The following MREG variants were observed in gnomAD, a reference collection of about 807,000 sequenced individuals.
MREG encodes dilute suppressor protein homolog.
MREG carries 31 observed loss-of-function variants against 28.5 expected under a neutral mutation model. The ratio of observed to expected loss-of-function variants is 1.09; its 90% CI spans 0.82 to 1.47. The LOEUF (loss-of-function observed/expected upper bound fraction) is 1.47. Ranked by LOEUF, MREG falls within the 40% of genes most tolerant of loss-of-function variation. The probability of loss-of-function intolerance (pLI) is 0.00; values close to 1 mark genes in which losing one functional copy is unlikely to be tolerated. For synonymous variants in MREG, 106 were observed against 95.2 expected (o/e 1.11, Z -0.66); for missense variants, 256 against 257.4 (o/e 0.99, Z 0.04).
At chr2:216,021,132 T>C (rs899169270) in intron 1 of MREG, among the ~76,000 whole-genome samples, 1 of 152,172 alleles carries the variant, frequency 6.6e-6, no homozygotes, top group Non-Finnish European at 1.5e-5. Flanking sequence ...AGAATCCATG[T>C]TTTTAGTATT....
intron 1 of MREG, among the ~76,000 whole-genome samples, chr2:216,008,164 ACGC>A (rs1360767060): frequency 2.6e-5 from 4 of 152,086 alleles, no homozygotes; most frequent in Non-Finnish European, 5.9e-5. Context: ...AGTTTGAGTC[ACGC>A]CGCTTGGGGC....
intron 2 of MREG, among the ~76,000 whole-genome samples, chr2:215,986,753 G>T (rs536923805): frequency 6.6e-6 from 1 of 152,132 alleles, no homozygotes; most frequent in Non-Finnish European, 1.5e-5. Context: ...ACATGACTTT[G>T]CTCCTCCTTT....
intron 1 of MREG, among the ~76,000 whole-genome samples, chr2:216,008,544 C>G (rs2106031055): frequency 6.6e-6 from 1 of 152,188 alleles, no homozygotes; most frequent in East Asian, 1.9e-4. Flanking sequence ...ATCTGGATGC[C>G]CACCTGCAGC....
At chr2:215,971,988 C>G (rs767398691) in intron 2 of MREG, among the ~76,000 whole-genome samples, 33 of 152,278 alleles carry the variant, frequency 2.2e-4, no homozygotes, top group Non-Finnish European at 4.0e-4. Context: ...TGGTGCAACT[C>G]CAAGATATGC....
chr2:215,960,343 G>C (rs912261033), intron 2 of MREG, among the ~76,000 whole-genome samples: 56 of 152,182 alleles, frequency 3.7e-4, no homozygotes, highest in African/African-American at 1.3e-3. Flanking sequence ...ATTCGCCCAG[G>C]TCCTAACCAG....
intron 2 of MREG, among the ~76,000 whole-genome samples, chr2:215,963,053 G>T (rs1000406754): frequency 6.6e-6 from 1 of 152,166 alleles, no homozygotes; most frequent in Non-Finnish European, 1.5e-5. Flanking sequence ...GCTTGAGGCT[G>T]GGAGGTCAAG....
At chr2:216,010,903 T>TCTCC (rs1694287487) in intron 1 of MREG, among the ~76,000 whole-genome samples, 1 of 151,268 alleles carries the variant, frequency 6.6e-6, no homozygotes, top group Non-Finnish European at 1.5e-5. Flanking sequence ...GAGACCATCC[T>TCTCC]GGATAACACG....
chr2:215,949,311 G>A (rs1333888230), intron 2 of MREG, among the ~76,000 whole-genome samples: 2 of 151,004 alleles, frequency 1.3e-5, no homozygotes, highest in Non-Finnish European at 2.9e-5. Flanking sequence ...TATAATCCCA[G>A]CACTTTGGGA....
chr2:216,025,316 G>A (rs183118852), intron 1 of MREG, among the ~76,000 whole-genome samples: 1 of 152,334 alleles, frequency 6.6e-6, no homozygotes, highest in Admixed American at 6.5e-5. Flanking sequence ...CCCACAGACA[G>A]CCCAGTAGCT....
intron 2 of MREG, among the ~76,000 whole-genome samples, chr2:215,991,721 C>A (rs1017809306): frequency 1.3e-5 from 2 of 152,042 alleles, no homozygotes; most frequent in African/African-American, 4.8e-5. Context: ...AGATCACCAC[C>A]GATCCCACAG....
At chr2:216,014,081 C>CTG (rs1463764240), upstream of MREG, among the ~76,000 whole-genome samples, 3 of 152,026 alleles carry the variant, frequency 2.0e-5, no homozygotes, top group Non-Finnish European at 2.9e-5. Flanking sequence ...ATATATGTGC[C>CTG]TGTCCTCATC....
At chr2:216,011,993 CTG>C (rs909567418) in intron 1 of MREG, among the ~76,000 whole-genome samples, 2 of 152,150 alleles carry the variant, frequency 1.3e-5, no homozygotes, top group Admixed American at 6.6e-5. Flanking sequence ...ATCAAAATCA[CTG>C]TATATTGTGT....
intron 1 of MREG, among the ~76,000 whole-genome samples, chr2:215,999,151 C>T (rs959072319): frequency 1.1e-4 from 16 of 152,174 alleles, no homozygotes; most frequent in African/African-American, 3.6e-4. Flanking sequence ...GACTGCAGCA[C>T]GTGGTGTGCG....
intron 2 of MREG, among the ~76,000 whole-genome samples, chr2:215,951,549 G>A (rs1241589223): frequency 5.3e-5 from 8 of 152,102 alleles, no homozygotes; most frequent in Admixed American, 5.2e-4. Flanking sequence ...TGATGCCGTG[G>A]CCCTGAACTT....
At chr2:215,974,805 C>T (rs1693198101) in intron 2 of MREG, among the ~76,000 whole-genome samples, 1 of 141,590 alleles carries the variant, frequency 7.1e-6, no homozygotes, top group Admixed American at 7.7e-5. Context: ...TTCCTAAACA[C>T]AGACACAGAC....
At chr2:216,026,126 A>G (rs1316479198) in intron 1 of MREG, among the ~76,000 whole-genome samples, 1 of 152,232 alleles carries the variant, frequency 6.6e-6, no homozygotes, top group East Asian at 1.9e-4. Context: ...CACACATTAT[A>G]TGATTCAATA....
chr2:215,990,945 G>C (rs188788783), intron 2 of MREG, among the ~76,000 whole-genome samples: 1 of 152,006 alleles, frequency 6.6e-6, no homozygotes, highest in Non-Finnish European at 1.5e-5. Flanking sequence ...CAATAATAGC[G>C]GGAGACTTTA....
intron 2 of MREG, among the ~76,000 whole-genome samples, chr2:215,952,420 A>G (rs1359758668): frequency 6.6e-6 from 1 of 152,234 alleles, no homozygotes; most frequent in Non-Finnish European, 1.5e-5. Context: ...GTATATGTAT[A>G]TCAAAGCTTC....
intron 2 of MREG, among the ~76,000 whole-genome samples, chr2:215,983,842 T>G (rs1203487112): frequency 6.6e-6 from 1 of 152,182 alleles, no homozygotes; most frequent in Non-Finnish European, 1.5e-5. Context: ...GTATATGCAT[T>G]TGTCAGCATA....
Sources: allele counts gnomAD v4.1 joint callset (sites outside exome capture counted in the v4.1 genomes callset), GRCh38; gene constraint gnomAD v4.1.1; transcripts MANE v1.5; gene names NCBI Gene and HGNC (gene_info 2026-07-23, HGNC 2026-07-21).